GPSM2: variants seen among roughly 807,000 people sequenced by gnomAD.
GPSM2 encodes the protein G protein-signaling modulator 2.
GPSM2 carries 58 observed loss-of-function variants against 78.4 expected under a neutral mutation model. The observed-to-expected ratio is 0.74, with a 90% confidence interval of 0.60 to 0.92. GPSM2 has a LOEUF of 0.92. Ranked by LOEUF, GPSM2 falls within the 40% of genes least tolerant of loss-of-function variation. The pLI is 0.00. For missense variants in GPSM2, 700 were observed against 815.5 expected (o/e 0.86, Z 1.73); for synonymous variants, 224 against 280.2 (o/e 0.80, Z 2.00).
rs771359771 is a variant in GPSM2, at chr1:108,924,064, G to A, written c.1665G>A (p.Gln555=). ...TTTTAGATCTTCTTGCCAGCTCACA[G>A]AGTCGCCGTCTGGATGACCAGAGGG... is the stretch of plus-strand genomic sequence containing the variant. ...DEFLDLLASS[Q]SRRLDDQRAS... is the part of the protein sequence containing the mutation. Residue 555 remains glutamine (Q), a synonymous_variant, in exon 14 of 15, where the codon CAG becomes CAA. Coordinates refer to ENST00000264126, the MANE Select transcript of GPSM2 (RefSeq NM_013296.5). The A allele has an allele frequency of 6.2e-7, 1 of 1,613,684 alleles. No homozygotes were observed. The highest frequency in any genetic ancestry group is 8.5e-7 in the Non-Finnish European group (1 of 1,179,658).
intron 9 of GPSM2, 44 bp from the exon 10 acceptor site, chr1:108,904,081 T>C (rs1247379354): frequency 7.2e-7 from 1 of 1,389,980 alleles, no homozygotes; most frequent in Admixed American, 1.7e-5. Context: ...TCACCATTCT[T>C]TCTCTTTAAA....
chr1:108,911,826 A>G (rs1478645903), intron 10 of GPSM2, among the ~76,000 whole-genome samples: 1 of 120,436 alleles, frequency 8.3e-6, no homozygotes, highest in Non-Finnish European at 1.6e-5. Flanking sequence ...TTTTTTTTAA[A>G]GACAGGCTCT....
At chr1:108,881,851 A>G (rs959692663) in intron 1 of GPSM2, among the ~76,000 whole-genome samples, 1 of 152,212 alleles carries the variant, frequency 6.6e-6, no homozygotes, top group Non-Finnish European at 1.5e-5. Flanking sequence ...AATTTGTGAA[A>G]CATGTAAATG....
chr1:108,885,555 C>A lies in GPSM2; in HGVS notation c.33C>A (p.Asp11Glu). Residue 11 changes from aspartate to glutamate, a missense_variant, in exon 2 of 15, where the codon GAC becomes GAA. By Grantham distance (45) the Asp-to-Glu change is conservative. Coordinates refer to ENST00000264126, the MANE Select transcript of GPSM2 (RefSeq NM_013296.5). ...AAAATTTGATAAGCATGAGAGAAGA[C>A]CATTCTTTTCATGTTCGTTACAGGT... MEENLISMREDHSFHVRYRME... is the reference protein window; with the variant it reads MEENLISMREEHSFHVRYRME... 1 of 1,581,978 alleles carries A rather than the reference C, an allele frequency of 6.3e-7. No homozygotes were observed. Among genetic ancestry groups the A allele is most frequent in the Non-Finnish European group, 8.7e-7 (1 of 1,151,046 alleles).
chr1:108,916,105 T>C (rs1650205865), intron 11 of GPSM2, among the ~76,000 whole-genome samples: 1 of 147,446 alleles, frequency 6.8e-6, no homozygotes, highest in Non-Finnish European at 1.5e-5. Flanking sequence ...GATAGAAAAA[T>C]TAGCTGGGCC....
Position 108,885,278 on chromosome 1 carries a change from T to A in GPSM2, c.-245T>A, listed in dbSNP as rs886045024. On this transcript the variant is annotated 5_prime_UTR_variant, in exon 2 of 15. An upstream start codon of the reference 5' UTR is lost. Transcript: ENST00000264126. ...GCATCTTGTATTCCTTTTGCAGAAA[T>A]GTTGCTGAAGTGCTGCTGAAAGGGC... is the stretch of plus-strand genomic sequence containing the variant. 9 of 396,668 alleles carry A rather than the reference T, an allele frequency of 2.3e-5. No homozygotes were observed. Among genetic ancestry groups the A allele is most frequent in the South Asian group, 4.4e-5 (1 of 22,822 alleles). The allele number at this position is 396,668 out of a possible 1,614,324, so 24.6% of individuals were successfully genotyped here. A position where few individuals can be genotyped will look rare whatever the true frequency, so the allele number is the denominator to read the frequency against.
chr1:108,887,937 T>G (rs530888805), intron 2 of GPSM2, among the ~76,000 whole-genome samples: 2 of 152,354 alleles, frequency 1.3e-5, no homozygotes, highest in African/African-American at 4.8e-5. Context: ...AACAAGGCTA[T>G]CTGCACTATG....
intron 11 of GPSM2, among the ~76,000 whole-genome samples, chr1:108,918,266 G>A (rs1232605074): frequency 1.3e-5 from 2 of 152,024 alleles, no homozygotes; most frequent in Non-Finnish European, 2.9e-5. Flanking sequence ...AATTCCAGTT[G>A]TAACAGATTT....
chr1:108,896,202 T>G (rs547193773), intron 2 of GPSM2, among the ~76,000 whole-genome samples: 14 of 152,294 alleles, frequency 9.2e-5, no homozygotes, highest in African/African-American at 3.4e-4. Flanking sequence ...CTTTCAAAAT[T>G]AGTATTTCTG....
chr1:108,910,372 A>G (rs986136113), intron 10 of GPSM2, among the ~76,000 whole-genome samples: 7 of 150,662 alleles, frequency 4.6e-5, no homozygotes, highest in African/African-American at 1.7e-4. Context: ...AACTAATTAT[A>G]ATACCTTACA....
chr1:108,931,581 G>T lies in GPSM2; in HGVS notation c.*1641G>T. Reference sequence around the variant, plus strand: ...TAGAACTATTTCTCTAATGGCCAATGTTTTTTAAGAGTCATAACCTGGAAT... The same window carrying T: ...TAGAACTATTTCTCTAATGGCCAATTTTTTTTAAGAGTCATAACCTGGAAT... On this transcript the variant is annotated 3_prime_UTR_variant, in exon 15 of 15. Transcript: ENST00000264126. The T allele has an allele frequency of 1.8e-5, 24 of 1,311,616 alleles. No individual in the cohort carries two copies. Among genetic ancestry groups the T allele is most frequent in the Admixed American group, 9.1e-5 (3 of 32,910 alleles). 81.2% of individuals were successfully genotyped at this position (1,311,616 alleles called of 1,614,324 possible).
chr1:108,885,622 T>A, intron 2 of GPSM2, 44 bp downstream of exon 2: 2 of 1,177,152 alleles, frequency 1.7e-6, no homozygotes, highest in Non-Finnish European at 2.6e-6. Flanking sequence ...AATCCTTATT[T>A]TAAAGTGTTT....
chr1:108,909,452 CATT>C (rs879750223), intron 10 of GPSM2, among the ~76,000 whole-genome samples: 9 of 152,066 alleles, frequency 5.9e-5, no homozygotes, highest in Admixed American at 5.2e-4. Flanking sequence ...ATATATAAAA[CATT>C]AATCTGAAAA....
At chr1:108,913,507 G>C (rs559041919) in intron 10 of GPSM2, among the ~76,000 whole-genome samples, 2 of 152,278 alleles carry the variant, frequency 1.3e-5, no homozygotes, top group African/African-American at 2.4e-5. Context: ...GATGGTTGCA[G>C]AATACATACA....
Position 108,931,253 on chromosome 1 carries a change from T to C in GPSM2, c.*1313T>C. On this transcript the variant is annotated 3_prime_UTR_variant, in exon 15 of 15. Coordinates refer to ENST00000264126, the MANE Select transcript of GPSM2 (RefSeq NM_013296.5). ...GATGAAAACTCACAAAAATTAAATA[T>C]GAAAGAAAGATGTCAGCTAGAACCT... 2.1e-6 allele frequency: 3 copies of C among 1,434,438 alleles called. No homozygotes were observed. Among genetic ancestry groups the C allele is most frequent in the Non-Finnish European group, 2.8e-6 (3 of 1,083,948 alleles). 88.9% of individuals were successfully genotyped at this position (1,434,438 alleles called of 1,614,324 possible).
intron 11 of GPSM2, among the ~76,000 whole-genome samples, chr1:108,915,390 G>A (rs1229002200): frequency 4.7e-5 from 7 of 148,216 alleles, no homozygotes; most frequent in Middle Eastern, 3.5e-3. Context: ...AAAAAAAATA[G>A]GTTCTCATTC....
intron 2 of GPSM2, among the ~76,000 whole-genome samples, chr1:108,889,569 C>G (rs1647817660): frequency 1.3e-5 from 2 of 152,168 alleles, no homozygotes; most frequent in Admixed American, 1.3e-4. Context: ...TAACACAGTT[C>G]TTTGAATAAA....
At chr1:108,881,488 A>T (rs1260638532) in intron 1 of GPSM2, among the ~76,000 whole-genome samples, 1 of 152,246 alleles carries the variant, frequency 6.6e-6, no homozygotes, top group Non-Finnish European at 1.5e-5. Flanking sequence ...TCTAGGAAGT[A>T]GGTTTGTTAA....
rs1648424104 is a variant in GPSM2 at position 108,897,084 on chromosome 1, A to G, written c.277A>G (p.Arg93Gly). ...TCACCATCATGATTTAACCCTTGCA[A>G]GGTAATTAATTTAAGCTTTTAAATA... is the stretch of plus-strand genomic sequence containing the variant. The part of the protein sequence containing the change: ...EYHHHDLTLA[R>G]TIGDQLGEAK... The change falls in exon 3 of 15, where the codon AGG becomes GGG. Residue 93 changes from arginine (R) to glycine (G), a missense_variant and splice_region_variant. Transcript: ENST00000264126. 6.3e-7 allele frequency: 1 copy of G among 1,583,728 alleles called. No individual in the cohort carries two copies. Among genetic ancestry groups the G allele is most frequent in the Admixed American group, 1.7e-5 (1 of 59,960 alleles).
Sources: gnomAD v4.1 joint callset for allele counts (sites outside exome capture counted in the v4.1 genomes callset) on GRCh38, gnomAD v4.1.1 for gene constraint, MANE v1.5 for transcripts, NCBI Gene and HGNC (gene_info 2026-07-23, HGNC 2026-07-21) for gene names.